The following JADE1 variants were observed in gnomAD, a reference collection of about 807,000 sequenced individuals.
JADE1 encodes protein Jade-1.
JADE1 carries 14 observed loss-of-function variants against 81.8 expected under a neutral mutation model. The observed-to-expected ratio is 0.17, with a 90% CI of 0.11 to 0.27. The LOEUF is 0.27. Among genes scored for constraint, JADE1 ranks in the 10% least tolerant of loss-of-function variants. JADE1 has a pLI of 1.00. For missense variants in JADE1, 690 were observed against 1,047.9 expected, an observed-to-expected ratio of 0.66 and a Z score of 4.71; for synonymous variants, 353 against 391.9, an observed-to-expected ratio of 0.90 and a Z score of 1.17.
chr4:128,815,821 G>A (rs765342152), intron 1 of JADE1, among the ~76,000 whole-genome samples: 2 of 152,022 alleles, frequency 1.3e-5, no homozygotes, highest in Admixed American at 6.6e-5. Context: ...TTATAAAACT[G>A]GTTTTCCTGT....
At chr4:128,851,046 C>T (rs1383890230) in intron 5 of JADE1, among the ~76,000 whole-genome samples, 1 of 152,072 alleles carries the variant, frequency 6.6e-6, no homozygotes, top group Non-Finnish European at 1.5e-5. Flanking sequence ...TTCTCCTGCC[C>T]CAGCCTCCCA....
intron 1 of JADE1, among the ~76,000 whole-genome samples, chr4:128,829,901 A>G (rs1560736441): frequency 6.6e-6 from 1 of 151,882 alleles, no homozygotes; most frequent in Non-Finnish European, 1.5e-5. Flanking sequence ...TTTTCAAGAC[A>G]GAATCTCACT....
chr4:128,841,217 A>G (rs1047500383), intron 2 of JADE1, among the ~76,000 whole-genome samples: 2 of 152,200 alleles, frequency 1.3e-5, no homozygotes, highest in East Asian at 1.9e-4. Context: ...GGAAAATGGT[A>G]CAGTAGGTGT....
At chr4:128,823,790 G>A (rs1445806089) in intron 1 of JADE1, among the ~76,000 whole-genome samples, 1 of 152,180 alleles carries the variant, frequency 6.6e-6, no homozygotes, top group Non-Finnish European at 1.5e-5. Flanking sequence ...TATAGTCATA[G>A]TAGCATTTTT....
chr4:128,817,941 G>T (rs1727189248), intron 1 of JADE1, among the ~76,000 whole-genome samples: 1 of 152,106 alleles, frequency 6.6e-6, no homozygotes, highest in South Asian at 2.1e-4. Context: ...CTGCTTATTG[G>T]TCATTAACTT....
Position 128,831,803 on chromosome 4 carries a change from C to T in JADE1, c.45C>T (p.Asp15=). 6.2e-7 allele frequency: 1 copy of T among 1,613,954 alleles called. No homozygotes were observed. Among genetic ancestry groups the T allele is most frequent in the Admixed American group, 1.7e-5 (1 of 60,008 alleles). ...RLPSSSEDSD[D]NGSLSTTWSQ... ...CCAGCAGCAGTGAGGATTCTGACGA[C>T]AATGGCAGTAAGTCCTGCTTTGTTG... The change falls in exon 2 of 11, where the codon GAC becomes GAT. Residue 15 remains aspartate, a synonymous_variant. Transcript: ENST00000226319.
intron 7 of JADE1, 132 bp downstream of exon 7, chr4:128,855,929 C>G: frequency 1.5e-6 from 1 of 649,044 alleles, no homozygotes. Context: ...AAGTGATCCT[C>G]CCACCTCAGC....
chr4:128,863,882 T>C, intron 9 of JADE1: 5 of 985,470 alleles, frequency 5.1e-6, no homozygotes, highest in Non-Finnish European at 6.0e-6. Context: ...GTTTGGACTG[T>C]GTTTGTCTCA....
intron 1 of JADE1, among the ~76,000 whole-genome samples, chr4:128,815,995 C>T (rs1308359745): frequency 6.7e-6 from 1 of 149,208 alleles, no homozygotes; most frequent in Non-Finnish European, 1.5e-5. Flanking sequence ...AGAGAATTGG[C>T]ACCATATTCA....
At chr4:128,862,908 G>GTGTA in intron 9 of JADE1, 1 of 986,772 alleles carries the variant, frequency 1.0e-6, no homozygotes, top group Non-Finnish European at 1.2e-6. Context: ...GTGTGTGTGT[G>GTGTA]TGTGTGCGCG....
chr4:128,811,034 T>C (rs1348057640), intron 1 of JADE1, among the ~76,000 whole-genome samples: 2 of 152,204 alleles, frequency 1.3e-5, no homozygotes, highest in African/African-American at 4.8e-5. Flanking sequence ...TGCAGAGCCC[T>C]TCAGTGCACG....
chr4:128,813,174 A>C (rs953093753), intron 1 of JADE1, among the ~76,000 whole-genome samples: 4 of 152,170 alleles, frequency 2.6e-5, no homozygotes, highest in African/African-American at 9.7e-5. Flanking sequence ...ATCATATCAC[A>C]ACTGATCAAG....
chr4:128,833,167 A>G (rs1266410962), intron 2 of JADE1, among the ~76,000 whole-genome samples: 1 of 152,060 alleles, frequency 6.6e-6, no homozygotes, highest in Non-Finnish European at 1.5e-5. Flanking sequence ...CAGGCAGGTA[A>G]AGCCACCTGT....
chr4:128,843,096 T>G, intron 3 of JADE1, 58 bp downstream of exon 3: 1 of 1,395,236 alleles, frequency 7.2e-7, no homozygotes, highest in Non-Finnish European at 1.0e-6. Context: ...ATATGCCTAG[T>G]TGAGTGGTAT....
intron 2 of JADE1, among the ~76,000 whole-genome samples, chr4:128,837,516 T>C (rs559943052): frequency 1.3e-5 from 2 of 152,346 alleles, no homozygotes; most frequent in East Asian, 3.9e-4. Flanking sequence ...AGGGTCAGCC[T>C]CTGGTCTAAA....
At chr4:128,860,751 C>T (rs1731251859) in intron 8 of JADE1, among the ~76,000 whole-genome samples, 1 of 152,184 alleles carries the variant, frequency 6.6e-6, no homozygotes, top group Admixed American at 6.5e-5. Context: ...CCTGTTTAGG[C>T]AGTGAGAGGG....
intron 8 of JADE1, among the ~76,000 whole-genome samples, chr4:128,859,228 G>A (rs771961490): frequency 1.3e-5 from 2 of 151,848 alleles, no homozygotes; most frequent in Non-Finnish European, 2.9e-5. Context: ...GTGAGTATGC[G>A]TATGTGGGTG....
chr4:128,833,580 G>A (rs780254703), intron 2 of JADE1, among the ~76,000 whole-genome samples: 2 of 152,136 alleles, frequency 1.3e-5, no homozygotes, highest in Non-Finnish European at 2.9e-5. Flanking sequence ...CTGTAGTCCA[G>A]CTACTCGGGA....
chr4:128,830,934 G>T (rs185695262), intron 1 of JADE1, among the ~76,000 whole-genome samples: 1 of 152,146 alleles, frequency 6.6e-6, no homozygotes, highest in African/African-American at 2.4e-5. Context: ...GGCCAGGTGC[G>T]CTGGGTCTTT....
Sources: gnomAD v4.1 joint callset for allele counts (sites outside exome capture counted in the v4.1 genomes callset) on GRCh38, gnomAD v4.1.1 for gene constraint, MANE v1.5 for transcripts, NCBI Gene and HGNC (gene_info 2026-07-23, HGNC 2026-07-21) for gene names.